The following ING3 variants were observed in gnomAD, a reference collection of about 807,000 sequenced individuals.
The protein encoded by ING3 is inhibitor of growth family member 3.
A neutral mutation model predicts 64.8 loss-of-function variants in ING3; 6 were observed. That is an observed-to-expected ratio of 0.09 (90% CI 0.05 to 0.18). The LOEUF (loss-of-function observed/expected upper bound fraction) is 0.18, where lower values mean the gene tolerates loss of function less well. Ranked by LOEUF, ING3 falls within the 10% of genes least tolerant of loss-of-function variation. The probability of loss-of-function intolerance (pLI) is 1.00; values close to 1 mark genes in which losing one functional copy is unlikely to be tolerated. For synonymous variants in ING3, 170 were observed against 173.7 expected (o/e 0.98, Z 0.17); for missense variants, 310 against 489.7 (o/e 0.63, Z 3.46).
chr7:120,951,095 C>G, intron 1 of ING3, 69 bp from the exon 2 acceptor site: 4 of 1,566,488 alleles, frequency 2.6e-6, no homozygotes, highest in Non-Finnish European at 3.5e-6. Flanking sequence ...CCCTGACGCA[C>G]GCGCGCAGTG....
chr7:120,957,366 T>G (rs1795865087), intron 4 of ING3, among the ~76,000 whole-genome samples: 1 of 150,998 alleles, frequency 6.6e-6, no homozygotes, highest in South Asian at 2.1e-4. Context: ...AGAGCGACTC[T>G]GTCTTAAAAA....
At position 120,968,039 on chromosome 7, in the gene ING3, GT is replaced by G; in HGVS notation, c.663del (p.Ala222GlnfsTer18). 6.2e-7 allele frequency: 1 copy of G among 1,614,084 alleles called. No individual in the cohort carries two copies. The highest frequency in any genetic ancestry group is 8.5e-7 in the Non-Finnish European group (1 of 1,180,024). ...YNIGSLSSGT[G>X]AGAITMAAAQ... is the part of the protein sequence containing the mutation. ...ATTGGCTCGTTATCTTCAGGAACTGGTGCAGGGGCAATTACCATGGCAGCTG... is the reference window on the plus strand; with the variant it reads ...ATTGGCTCGTTATCTTCAGGAACTGGGCAGGGGCAATTACCATGGCAGCTG... On this transcript the variant is annotated frameshift_variant, in exon 8 of 12. Transcript: ENST00000315870. LOFTEE classifies it high-confidence loss of function.
chr7:120,955,004 A>G (rs1240349577), intron 3 of ING3, among the ~76,000 whole-genome samples: 1 of 152,308 alleles, frequency 6.6e-6, no homozygotes, highest in East Asian at 1.9e-4. Context: ...TAGACTTACA[A>G]TGGCATTTAC....
chr7:120,972,350 T>G (rs1434656094), intron 10 of ING3, among the ~76,000 whole-genome samples: 3 of 152,206 alleles, frequency 2.0e-5, no homozygotes, highest in Non-Finnish European at 4.4e-5. Context: ...CAGTATGAGT[T>G]GCCAGTCTGA....
rs1796127341 is a variant in ING3, at chr7:120,975,753, A to G, written c.*909A>G. 1 of 152,206 alleles carries G rather than the reference A, an allele frequency of 6.6e-6. No homozygotes were observed. Among genetic ancestry groups the G allele is most frequent in the African/African-American group, 2.4e-5 (1 of 41,456 alleles). 9.4% of individuals were successfully genotyped at this position (152,206 alleles called of 1,614,324 possible). Reference sequence around the variant, plus strand: ...CTAAAAAGAATCAGAGACCCAGGACACAGAATACTGTGTAATCTGTGATGT... The same window carrying G: ...CTAAAAAGAATCAGAGACCCAGGACGCAGAATACTGTGTAATCTGTGATGT... On this transcript the variant is annotated 3_prime_UTR_variant, in exon 12 of 12. Coordinates refer to ENST00000315870, the MANE Select transcript of ING3 (RefSeq NM_019071.3).
At position 120,970,736 on chromosome 7, in the gene ING3, T is replaced by C. The variant is rs759653063; in HGVS notation, c.957T>C (p.Ser319=). The change falls in exon 10 of 12, where the codon TCT becomes TCC. Residue 319 remains serine (S), a synonymous_variant. Transcript: ENST00000315870. ...SSQQSSSSSS[S]SSLSSCSSSS... is the part of the protein sequence containing the mutation. The stretch of plus-strand genomic sequence containing the variant: ...AGCAGTCATCATCTTCCTCCTCCTC[T>C]TCTTCCTTATCATCGTGTTCTTCAT... 1.9e-6 allele frequency: 3 copies of C among 1,613,210 alleles called. No individual in the cohort carries two copies. Among genetic ancestry groups the C allele is most frequent in the East Asian group, 2.2e-5 (1 of 44,854 alleles).
At position 120,956,522 on chromosome 7, in the gene ING3, A is replaced by G. The variant is rs186879057; in HGVS notation, c.267+898A>G. 3.8e-6 allele frequency: 4 copies of G among 1,043,668 alleles called. No individual in the cohort carries two copies. In the Admixed American group the frequency reaches 1.6e-4, roughly 42 times the overall value. 64.7% of individuals were successfully genotyped at this position (1,043,668 alleles called of 1,614,324 possible). On this transcript the variant is annotated intron_variant, in intron 4 of 11. Coordinates refer to ENST00000315870, the MANE Select transcript of ING3 (RefSeq NM_019071.3). The stretch of plus-strand genomic sequence containing the variant: ...CCACAAACTTGAAAATGTGTCATGT[A>G]GAGCCATGGAAAATGTCTAGTTGTT...
In ING3 at chr7:120,976,490, A is replaced by G. The variant is rs1271624780; in HGVS notation, c.*1646A>G. 6.6e-6 allele frequency: 1 copy of G among 152,168 alleles called. No individual in the cohort carries two copies. The highest frequency in any genetic ancestry group is 2.4e-5 in the African/African-American group (1 of 41,430). 9.4% of individuals were successfully genotyped at this position (152,168 alleles called of 1,614,324 possible). On this transcript the variant is annotated 3_prime_UTR_variant, in exon 12 of 12. Transcript: ENST00000315870. Reference sequence around the variant, plus strand: ...ATTTGTGAGTACTCATCATTTCATAATATCATGATTATCACGATTTCATGA... The same window carrying G: ...ATTTGTGAGTACTCATCATTTCATAGTATCATGATTATCACGATTTCATGA...
chr7:120,963,885 C>G (rs1183790680), intron 4 of ING3, among the ~76,000 whole-genome samples: 1 of 152,062 alleles, frequency 6.6e-6, no homozygotes, highest in African/African-American at 2.4e-5. Flanking sequence ...CAGTGGGAAA[C>G]TAGACTTAGA....
At chr7:120,957,170 G>A (rs1165666455) in intron 4 of ING3, among the ~76,000 whole-genome samples, 1 of 152,164 alleles carries the variant, frequency 6.6e-6, no homozygotes, top group Non-Finnish European at 1.5e-5. Flanking sequence ...AGGAGATCGC[G>A]ACCATCCTGG....
chr7:120,967,493 A>G (rs1038238633), intron 6 of ING3, 36 bp from the exon 7 acceptor site: 1 of 1,442,698 alleles, frequency 6.9e-7, no homozygotes, highest in Admixed American at 2.0e-5. Context: ...AGTTCTCTAA[A>G]GTTTAAAAAC....
intron 10 of ING3, 66 bp from the exon 11 acceptor site, chr7:120,973,139 C>T (rs970125731): frequency 1.3e-6 from 1 of 777,228 alleles, no homozygotes; most frequent in Non-Finnish European, 2.2e-6. Flanking sequence ...CATACATAAA[C>T]AGTTAATTGG....
chr7:120,958,817 ACC>A (rs1795888594), intron 4 of ING3, among the ~76,000 whole-genome samples: 1 of 152,216 alleles, frequency 6.6e-6, no homozygotes, highest in Non-Finnish European at 1.5e-5. Context: ...TCGTGTCGTG[ACC>A]GTGACTCTGC....
At chr7:120,956,136 T>G in intron 4 of ING3, 1 of 1,548,724 alleles carries the variant, frequency 6.5e-7, no homozygotes, top group African/African-American at 1.4e-5. Flanking sequence ...ATGACAAACT[T>G]TAAACAAGAT....
intron 4 of ING3, 195 bp downstream of exon 4, chr7:120,955,819 G>C: frequency 1.7e-6 from 1 of 597,336 alleles, no homozygotes; most frequent in Non-Finnish European, 3.0e-6. Flanking sequence ...AGTTAATGTG[G>C]TGAGAACTGT....
intron 4 of ING3, among the ~76,000 whole-genome samples, chr7:120,962,304 G>A (rs922631844): frequency 3.9e-5 from 6 of 151,920 alleles, no homozygotes; most frequent in Non-Finnish European, 8.8e-5. Context: ...TTACATATGA[G>A]GAAGTAAGAA....
intron 10 of ING3, among the ~76,000 whole-genome samples, chr7:120,972,387 G>T (rs1047845606): frequency 4.6e-5 from 7 of 152,058 alleles, no homozygotes; most frequent in Non-Finnish European, 5.9e-5. Context: ...CAATTTGTTA[G>T]CTGTTCCACT....
At chr7:120,974,194 G>C (rs1796106311) in intron 11 of ING3, among the ~76,000 whole-genome samples, 1 of 142,042 alleles carries the variant, frequency 7.0e-6, no homozygotes, top group African/African-American at 2.9e-5. Context: ...GTGCTCTTCT[G>C]AGTGCTAAGA....
At chr7:120,951,450 G>A (rs1795764430) in intron 2 of ING3, among the ~76,000 whole-genome samples, 1 of 152,170 alleles carries the variant, frequency 6.6e-6, no homozygotes, top group East Asian at 1.9e-4. Flanking sequence ...GGAGGCATTG[G>A]GACACGTGTA....
Sources: allele counts gnomAD v4.1 joint callset (sites outside exome capture counted in the v4.1 genomes callset), GRCh38; gene constraint gnomAD v4.1.1; transcripts MANE v1.5; gene names NCBI Gene and HGNC (gene_info 2026-07-23, HGNC 2026-07-21).